ANO3: variants seen among roughly 807,000 people sequenced by gnomAD.
ANO3 encodes anoctamin-3.
ANO3 carries 99 observed loss-of-function variants against 144.8 expected under a neutral mutation model. The observed-to-expected ratio is 0.68, with a 90% confidence interval of 0.58 to 0.81. ANO3 has a LOEUF of 0.81. ANO3 is among the 30% of genes least tolerant of loss of function. The probability of loss-of-function intolerance (pLI) is 0.00; values close to 1 mark genes in which losing one functional copy is unlikely to be tolerated. For missense variants in ANO3, 905 were observed against 1,202.2 expected (o/e 0.75, Z 3.66); for synonymous variants, 414 against 392.6 (o/e 1.05, Z -0.64).
intron 10 of ANO3, among the ~76,000 whole-genome samples, chr11:26,539,028 C>T (rs548014974): frequency 2.0e-5 from 3 of 151,638 alleles, no homozygotes; most frequent in South Asian, 2.1e-4. Context: ...TACCAGTGGT[C>T]GAGGTTTGTT....
chr11:26,245,018 T>TGTGTGCGCGCGC lies in ANO3; in HGVS notation c.154+55691_154+55692insTGCGCGCGCGTG, dbSNP rs151031559. 1.6e-3 allele frequency among the ~76,000 whole-genome samples: 229 copies of TGTGTGCGCGCGC among 145,422 alleles called. 4 individuals carry two copies. The South Asian group carries it at 0.029, about 18-fold the overall frequency. Reference sequence around the variant, plus strand: ...GTGTGTGTGTGTGTGTGTGTGTGTGTGTGCATGCATGCATTTGTCTTTCAT... The same window carrying TGTGTGCGCGCGC: ...GTGTGTGTGTGTGTGTGTGTGTGTGTGTGTGCGCGCGCGTGCATGCATGCATTTGTCTTTCAT... On this transcript the variant is annotated intron_variant, in intron 1 of 27. Coordinates refer to the ANO3 transcript ENST00000672621.
At chr11:26,561,171 C>G in intron 14 of ANO3, 1 of 1,612,654 alleles carries the variant, frequency 6.2e-7, no homozygotes, top group Non-Finnish European at 8.5e-7. Context: ...ATTGTAGTAG[C>G]TAGAATTCCC....
At chr11:26,246,874 A>T (rs1590214280) in intron 1 of ANO3, among the ~76,000 whole-genome samples, 1 of 152,154 alleles carries the variant, frequency 6.6e-6, no homozygotes, top group East Asian at 1.9e-4. Context: ...CTCCTCTTTC[A>T]CCTTCTGCCA....
chr11:26,612,752 A>T (rs1356791110), intron 17 of ANO3, among the ~76,000 whole-genome samples: 4 of 152,016 alleles, frequency 2.6e-5, no homozygotes, highest in Admixed American at 2.0e-4. Context: ...TTTCTGAAGG[A>T]TAGCTTTATG....
At chr11:26,385,348 C>A (rs923500319) in intron 1 of ANO3, among the ~76,000 whole-genome samples, 18 of 152,128 alleles carry the variant, frequency 1.2e-4, no homozygotes, top group African/African-American at 4.3e-4. Context: ...AAAATTACCA[C>A]AAATGTAGTC....
At chr11:26,578,390 G>T (rs1023477730) in intron 14 of ANO3, among the ~76,000 whole-genome samples, 12 of 152,182 alleles carry the variant, frequency 7.9e-5, no homozygotes, top group Admixed American at 4.6e-4. Context: ...AGGAGACAAA[G>T]AGCTATCACT....
At chr11:26,316,544 G>T (rs1257269161) in intron 1 of ANO3, among the ~76,000 whole-genome samples, 3 of 152,148 alleles carry the variant, frequency 2.0e-5, no homozygotes, top group Non-Finnish European at 4.4e-5. Context: ...TGCAGCAAAA[G>T]CTGGTTGCAA....
intron 1 of ANO3, among the ~76,000 whole-genome samples, chr11:26,398,520 T>C (rs1857072469): frequency 1.3e-5 from 2 of 152,098 alleles, no homozygotes; most frequent in Admixed American, 1.3e-4. Context: ...TACATGAATG[T>C]TCATTGAATT....
rs17243252 is a variant in ANO3, at chr11:26,332,264, C to T, written c.-12C>T. ...GCAGCTCCCTAAGCCGGCTGGGACG[C>T]GCAGAGTGAAAATGGTCCACCATTC... On this transcript the variant is annotated 5_prime_UTR_variant, in exon 1 of 27. Transcript: ENST00000256737. The T allele has an allele frequency of 0.028, 45,365 of 1,613,902 alleles. 831 individuals are homozygous for T. Among genetic ancestry groups the T allele is most frequent in the Admixed American group, 0.062 (3,704 of 60,004 alleles).
chr11:26,658,521 A>G (rs4627029), intron 26 of ANO3, among the ~76,000 whole-genome samples: 27,053 of 151,646 alleles, frequency 0.18, 2,569 homozygotes, highest in South Asian at 0.24. Context: ...GAGGCAGGAT[A>G]ATCACTTGAA....
chr11:26,494,460 G>A (rs1860845013), intron 4 of ANO3, among the ~76,000 whole-genome samples: 1 of 152,062 alleles, frequency 6.6e-6, no homozygotes, highest in South Asian at 2.1e-4. Flanking sequence ...ACGTGAGATA[G>A]GAAGTAGAAG....
intron 4 of ANO3, among the ~76,000 whole-genome samples, chr11:26,497,402 A>C (rs1861006435): frequency 6.6e-6 from 1 of 152,048 alleles, no homozygotes; most frequent in African/African-American, 2.4e-5. Flanking sequence ...TAGGTCAATT[A>C]GTTCTTTAAG....
chr11:26,568,861 A>G (rs968207963), intron 14 of ANO3, among the ~76,000 whole-genome samples: 5 of 151,952 alleles, frequency 3.3e-5, no homozygotes, highest in Non-Finnish European at 1.5e-5. Context: ...CAGCAAACAT[A>G]ATGCTCCTTT....
At chr11:26,459,490 C>A (rs1859294943) in intron 3 of ANO3, among the ~76,000 whole-genome samples, 1 of 151,842 alleles carries the variant, frequency 6.6e-6, no homozygotes, top group African/African-American at 2.4e-5. Flanking sequence ...TCCAGTTAGT[C>A]ATTCAATAAA....
At chr11:26,333,449 T>C (rs1426627515) in intron 1 of ANO3, among the ~76,000 whole-genome samples, 1 of 151,924 alleles carries the variant, frequency 6.6e-6, no homozygotes, top group Non-Finnish European at 1.5e-5. Context: ...GCCCAGCTAA[T>C]TTTTTTGTGT....
chr11:26,374,652 ATC>A (rs1856356031), intron 1 of ANO3, among the ~76,000 whole-genome samples: 1 of 152,246 alleles, frequency 6.6e-6, no homozygotes, highest in Non-Finnish European at 1.5e-5. Flanking sequence ...TAAGGCAGCT[ATC>A]TCCAGCCTTG....
At position 26,581,505 on chromosome 11, in the gene ANO3, A is replaced by G. The variant is rs943036346; in HGVS notation, c.1448-16860A>G. On this transcript the variant is annotated intron_variant, in intron 14 of 26. Transcript: ENST00000256737. ...GGAGTTCGAGACCACCCTGGTCAACATGGTGAAACCCCGTCTCTACTAAAA... is the reference window on the plus strand; with the variant it reads ...GGAGTTCGAGACCACCCTGGTCAACGTGGTGAAACCCCGTCTCTACTAAAA... Among the ~76,000 whole-genome samples, 7 of 152,032 alleles carry G rather than the reference A, an allele frequency of 4.6e-5. No individual in the cohort carries two copies. In the East Asian group the frequency reaches 1.4e-3, roughly 30 times the overall value.
chr11:26,593,192 C>A (rs886596984), intron 14 of ANO3, among the ~76,000 whole-genome samples: 26 of 152,126 alleles, frequency 1.7e-4, no homozygotes, highest in African/African-American at 6.0e-4. Flanking sequence ...CATATTGCTG[C>A]GTGGGCATAG....
At chr11:26,614,872 C>G (rs1338146579) in intron 17 of ANO3, among the ~76,000 whole-genome samples, 2 of 152,132 alleles carry the variant, frequency 1.3e-5, no homozygotes, top group Admixed American at 6.5e-5. Context: ...GCCTAGCACT[C>G]TACTTCAGTC....
Sources: allele counts gnomAD v4.1 joint callset (sites outside exome capture counted in the v4.1 genomes callset), GRCh38; gene constraint gnomAD v4.1.1; transcripts MANE v1.5; gene names NCBI Gene and HGNC (gene_info 2026-07-23, HGNC 2026-07-21).